The following ZNF483 variants were observed in gnomAD, a reference collection of about 807,000 sequenced individuals.
ZNF483 encodes the protein zinc finger protein 483, also known as zinc finger protein HIT-10.
A neutral mutation model predicts 28.6 loss-of-function variants in ZNF483; 9 were observed. That is an observed-to-expected ratio of 0.32 (90% confidence interval 0.19 to 0.55). ZNF483 has a LOEUF of 0.55. Among genes scored for constraint, ZNF483 ranks in the 20% least tolerant of loss-of-function variants. The probability of loss-of-function intolerance (pLI) is 0.93; values close to 1 mark genes in which losing one functional copy is unlikely to be tolerated. For missense variants in ZNF483, 675 were observed against 871.7 expected, an observed-to-expected ratio of 0.77 and a Z score of 2.84; for synonymous variants, 322 against 306.2, an observed-to-expected ratio of 1.05 and a Z score of -0.54.
At chr9:111,528,904 G>A (rs1360085502) in intron 2 of ZNF483, among the ~76,000 whole-genome samples, 2 of 152,044 alleles carry the variant, frequency 1.3e-5, no homozygotes, top group South Asian at 2.1e-4. Context: ...CCAGCACTTC[G>A]GGAGGCCTAG....
chr9:111,538,347 T>A (rs1025382356), intron 5 of ZNF483, among the ~76,000 whole-genome samples: 1 of 152,038 alleles, frequency 6.6e-6, no homozygotes, highest in African/African-American at 2.4e-5. Context: ...AGACCCTGTT[T>A]CTACAAAAAA....
Position 111,530,782 on chromosome 9 carries a change from TATATATATATATATATATAC to T in ZNF483, c.413-79_413-60del, listed in dbSNP as rs1258685204. 9.7e-3 allele frequency: 763 copies of T among 78,902 alleles called. 18 individuals are homozygous for T. Among genetic ancestry groups the T allele is most frequent in the African/African-American group, 0.022 (331 of 15,330 alleles). 4.9% of individuals were successfully genotyped at this position (78,902 alleles called of 1,614,324 possible). A position where few individuals can be genotyped will look rare whatever the true frequency, so the allele number is the denominator to read the frequency against. On this transcript the variant is annotated intron_variant, in intron 2 of 5. Transcript: ENST00000309235. The stretch of plus-strand genomic sequence containing the variant: ...ATATATATATATATATATATATATA[TATATATATATATATATATAC>T]ATATATATATATAAGATTTTTAGTC...
rs1828054081 is a variant in ZNF483 at position 111,554,219 on chromosome 9, G to C, written c.*11049G>C. On this transcript the variant is annotated 3_prime_UTR_variant, in exon 6 of 6. Coordinates refer to ENST00000309235, the MANE Select transcript of ZNF483 (RefSeq NM_133464.5). ...AGCAAATGGAATTGATAGTTAATGG[G>C]TTTTTTGTTTGTTTGCCTGGGAGCA... Among the ~76,000 whole-genome samples the C allele has an allele frequency of 6.6e-6, 1 of 152,176 alleles. No homozygotes were observed. Among genetic ancestry groups the C allele is most frequent in the Admixed American group, 6.5e-5 (1 of 15,286 alleles).
rs1827815468 is a variant in ZNF483 at position 111,546,682 on chromosome 9, A to G, written c.*3512A>G. Among the ~76,000 whole-genome samples, 1 of 152,218 alleles carries G rather than the reference A, an allele frequency of 6.6e-6. No homozygotes were observed. The highest frequency in any genetic ancestry group is 1.5e-5 in the Non-Finnish European group (1 of 68,016). ...GAATTATTTTTTAATGTAGTAAGAT[A>G]CATATAGCTTAAAATGAACCATTTA... On this transcript the variant is annotated 3_prime_UTR_variant, in exon 6 of 6. Coordinates refer to ENST00000309235, the MANE Select transcript of ZNF483 (RefSeq NM_133464.5).
In ZNF483 at chr9:111,553,941, T is replaced by G. The variant is rs1013675570; in HGVS notation, c.*10771T>G. Among the ~76,000 whole-genome samples, 1 of 152,206 alleles carries G rather than the reference T, an allele frequency of 6.6e-6. No homozygotes were observed. The highest frequency in any genetic ancestry group is 1.5e-5 in the Non-Finnish European group (1 of 68,042). On this transcript the variant is annotated 3_prime_UTR_variant, in exon 6 of 6. Transcript: ENST00000309235. ...GTTGCTTTCCCATATTTTGTAGTCA[T>G]GCTGTGTGGAGCACATAACTTCCAA... is the stretch of plus-strand genomic sequence containing the variant.
chr9:111,530,651 G>A (rs1827303527), intron 2 of ZNF483, among the ~76,000 whole-genome samples: 1 of 150,562 alleles, frequency 6.6e-6, no homozygotes, highest in Non-Finnish European at 1.5e-5. Flanking sequence ...ACTGCCTGCT[G>A]GGTGTGGGGG....
chr9:111,559,095 G>A (rs1228616701), downstream of ZNF483, among the ~76,000 whole-genome samples: 1 of 152,030 alleles, frequency 6.6e-6, no homozygotes, highest in Non-Finnish European at 1.5e-5. Flanking sequence ...CCAGGTAGAA[G>A]CTCCCCTCAG....
chr9:111,531,288 A>T (rs1250179272), intron 3 of ZNF483, among the ~76,000 whole-genome samples: 1 of 152,208 alleles, frequency 6.6e-6, no homozygotes, highest in East Asian at 1.9e-4. Context: ...GAATGCCATG[A>T]GTCTGATTGT....
chr9:111,563,543 T>C (rs1313920311), intron 5 of ZNF483: 2 of 179,146 alleles, frequency 1.1e-5, no homozygotes, highest in African/African-American at 4.8e-5. Flanking sequence ...TCTCGCTCTG[T>C]TGCCCAGGCT....
downstream of ZNF483, among the ~76,000 whole-genome samples, chr9:111,560,170 A>G (rs1828232149): frequency 6.6e-6 from 1 of 151,374 alleles, no homozygotes; most frequent in African/African-American, 2.4e-5. Flanking sequence ...ACATGGCAAT[A>G]CCCATCACTA....
downstream of ZNF483, among the ~76,000 whole-genome samples, chr9:111,559,295 A>G (rs1489075460): frequency 6.6e-6 from 1 of 152,088 alleles, no homozygotes; most frequent in African/African-American, 2.4e-5. Flanking sequence ...CTCCATGCCA[A>G]GCTGCCCCCA....
At position 111,544,267 on chromosome 9, in the gene ZNF483, CA is replaced by C. The variant is rs1827749526; in HGVS notation, c.*1098del. The C allele has an allele frequency of 2.0e-6, 2 of 985,288 alleles. No homozygotes were observed. The highest frequency in any genetic ancestry group is 1.2e-6 in the Non-Finnish European group (1 of 829,930). The allele number at this position is 985,288 out of a possible 1,614,324, so 61.0% of individuals were successfully genotyped here. On this transcript the variant is annotated 3_prime_UTR_variant, in exon 6 of 6. Coordinates refer to ENST00000309235, the MANE Select transcript of ZNF483 (RefSeq NM_133464.5). ...AAAACAATTTTGCCTGTAGCAAGTA[CA>C]TTTTTTTGCAATTGGAGTGTAAACA...
chr9:111,561,149 GAGA>G (rs1828302242), intron 5 of ZNF483, among the ~76,000 whole-genome samples: 2 of 15,906 alleles, frequency 1.3e-4, no homozygotes, highest in African/African-American at 1.0e-3. Context: ...GAGAGAGAGG[GAGA>G]GAGAGAGAGA....
chr9:111,542,291 C>G lies in ZNF483; in HGVS notation c.1356C>G (p.Ala452=), dbSNP rs770066473. 110 of 1,614,008 alleles carry G rather than the reference C, an allele frequency of 6.8e-5. No individual in the cohort carries two copies. The highest frequency in any genetic ancestry group is 9.1e-5 in the Non-Finnish European group (107 of 1,180,026). Residue 452 remains alanine, a synonymous_variant, in exon 6 of 6, where the codon GCC becomes GCG. Coordinates refer to ENST00000309235, the MANE Select transcript of ZNF483 (RefSeq NM_133464.5). The surrounding 1 kb of genome is among the most constrained non-coding windows in gnomAD (Gnocchi z 6.2). ...GTGGAAAAGCCTTTGGCTATAGCGC[C>G]TCACTCACCAAACATCGGAGAATTC... ...SKCGKAFGYS[A]SLTKHRRIHT...
chr9:111,555,322 A>C lies in ZNF483; in HGVS notation c.*12152A>C, dbSNP rs1828089155. 6.6e-6 allele frequency among the ~76,000 whole-genome samples: 1 copy of C among 152,018 alleles called. No homozygotes were observed. Among genetic ancestry groups the C allele is most frequent in the South Asian group, 2.1e-4 (1 of 4,816 alleles). Reference sequence around the variant, plus strand: ...TTTGAGCTCAAACTGTTCTGTGCACATTTTCAAACTCTTTAGCCTCTGATT... The same window carrying C: ...TTTGAGCTCAAACTGTTCTGTGCACCTTTTCAAACTCTTTAGCCTCTGATT... On this transcript the variant is annotated 3_prime_UTR_variant, in exon 6 of 6. Coordinates refer to ENST00000309235, the MANE Select transcript of ZNF483 (RefSeq NM_133464.5).
At chr9:111,574,817 A>C in intron 5 of ZNF483, 1 of 1,613,780 alleles carries the variant, frequency 6.2e-7, no homozygotes, top group South Asian at 1.1e-5. Flanking sequence ...CTGGCCGATA[A>C]CAGTGTTTGA....
intron 5 of ZNF483, among the ~76,000 whole-genome samples, chr9:111,572,256 A>G (rs1205019350): frequency 6.6e-6 from 1 of 152,186 alleles, no homozygotes; most frequent in African/African-American, 2.4e-5. Flanking sequence ...ACCCACATCA[A>G]CTATTCTTTG....
At chr9:111,575,211 A>C (rs1829007507) in intron 5 of ZNF483, 1 of 161,646 alleles carries the variant, frequency 6.2e-6, no homozygotes, top group South Asian at 1.7e-4. Context: ...CTGAGGCAGG[A>C]GAACTGCTTG....
exon 6 of ZNF483, chr9:111,576,694 T>A: frequency 3.2e-6 from 1 of 316,016 alleles, no homozygotes. Context: ...ATATTTCCCC[T>A]AGAAGCAATG....
Sources: allele counts gnomAD v4.1 joint callset (sites outside exome capture counted in the v4.1 genomes callset), GRCh38; gene constraint gnomAD v4.1.1; non-coding constraint Gnocchi (gnomAD v3.1); transcripts MANE v1.5; gene names NCBI Gene and HGNC (gene_info 2026-07-23, HGNC 2026-07-21).